DCP1A: variants seen among roughly 807,000 people sequenced by gnomAD.
The protein encoded by DCP1A is decapping mRNA 1A, also known as mRNA-decapping enzyme 1A.
DCP1A carries 20 observed loss-of-function variants against 58.0 expected under a neutral mutation model. The observed-to-expected ratio is 0.34, with a 90% CI of 0.24 to 0.50. The LOEUF (loss-of-function observed/expected upper bound fraction) is 0.50, where lower values mean the gene tolerates loss of function less well. DCP1A is among the 20% of genes least tolerant of loss of function. The pLI is 0.98. For synonymous variants in DCP1A, 285 were observed against 275.1 expected (o/e 1.04, Z -0.36); for missense variants, 613 against 712.2 (o/e 0.86, Z 1.59).
chr3:53,305,303 C>T (rs1707434921), intron 5 of DCP1A, among the ~76,000 whole-genome samples: 1 of 151,956 alleles, frequency 6.6e-6, no homozygotes, highest in Non-Finnish European at 1.5e-5. Context: ...ATTATGAATA[C>T]AACATCTATA....
At chr3:53,304,438 T>C (rs905336253) in intron 5 of DCP1A, 148 bp from the exon 6 acceptor site, 1 of 591,464 alleles carries the variant, frequency 1.7e-6, no homozygotes, top group Middle Eastern at 4.5e-4. Flanking sequence ...TGTACTCCAA[T>C]GTAAATAACA....
intron 6 of DCP1A, among the ~76,000 whole-genome samples, chr3:53,303,541 T>C (rs1208853489): frequency 5.3e-5 from 8 of 151,930 alleles, no homozygotes; most frequent in African/African-American, 1.7e-4. Flanking sequence ...GCTGGCGTTA[T>C]AGGTGTGAGC....
intron 3 of DCP1A, among the ~76,000 whole-genome samples, chr3:53,320,976 T>G (rs1237923309): frequency 6.6e-6 from 1 of 152,264 alleles, no homozygotes; most frequent in East Asian, 1.9e-4. Context: ...AGAAGTCCCC[T>G]GGCGGCCAAT....
chr3:53,331,689 T>A (rs2089007194), intron 3 of DCP1A, among the ~76,000 whole-genome samples: 1 of 152,242 alleles, frequency 6.6e-6, no homozygotes, highest in Non-Finnish European at 1.5e-5. Context: ...TTGATTCACA[T>A]GCCGGGTTTA....
chr3:53,344,891 TAA>T lies in DCP1A; in HGVS notation c.176+9_176+10del, dbSNP rs782302238. 71 of 1,579,478 alleles carry T rather than the reference TAA, an allele frequency of 4.5e-5. No homozygotes were observed. The South Asian group carries it at 7.3e-4, about 16-fold the overall frequency. On this transcript the variant is annotated intron_variant, in intron 2 of 9. Transcript: ENST00000610213. ...CTGTTAAAAACAAATATACATATTT[TAA>T]AAACTTACCTTCGATATACGAATAA...
intron 3 of DCP1A, among the ~76,000 whole-genome samples, chr3:53,331,655 G>A (rs1298653135): frequency 3.3e-5 from 5 of 151,362 alleles, no homozygotes; most frequent in African/African-American, 1.2e-4. Flanking sequence ...GTGACATTAA[G>A]TGACTCATGA....
chr3:53,346,632 C>T lies in DCP1A; in HGVS notation c.135+751G>A, dbSNP rs57320366. On this transcript the variant is annotated intron_variant, in intron 1 of 9. Coordinates refer to ENST00000610213, the MANE Select transcript of DCP1A (RefSeq NM_018403.7). ...GGGCTAACAAGAATCAGTGAACACA[C>T]TGAATGTGACTTTTCGGACCCTCCC... Among the ~76,000 whole-genome samples the T allele has an allele frequency of 3.3e-5, 5 of 152,310 alleles. No homozygotes were observed. In the South Asian group the frequency reaches 8.3e-4, roughly 25 times the overall value.
chr3:53,296,556 T>C (rs1021460545), intron 6 of DCP1A, among the ~76,000 whole-genome samples: 5 of 152,228 alleles, frequency 3.3e-5, no homozygotes, highest in African/African-American at 1.2e-4. Flanking sequence ...GACAGCACAA[T>C]AGACATTTAT....
chr3:53,319,928 A>G (rs545506568), intron 3 of DCP1A, among the ~76,000 whole-genome samples: 2 of 152,136 alleles, frequency 1.3e-5, no homozygotes, highest in South Asian at 4.1e-4. Context: ...TCAGGAGTTT[A>G]AGACCAGCCT....
At chr3:53,291,954 A>T in intron 7 of DCP1A, 115 bp downstream of exon 7, 2 of 1,170,156 alleles carry the variant, frequency 1.7e-6, no homozygotes, top group Non-Finnish European at 2.3e-6. Context: ...GACATACTTT[A>T]AAGGGACAAC....
Position 53,347,503 on chromosome 3 carries a change from A to C in DCP1A, c.15T>G (p.Ser5Arg). The stretch of plus-strand genomic sequence containing the variant: ...CTAGGCTCATCTCCTGCCCAGCTCG[A>C]CTCAGCGCCTCCATCTTGAATCCCA... MEAL[S>R]RAGQEMSLAA... Residue 5 changes from serine to arginine, a missense_variant, in exon 1 of 10, where the codon AGT (serine) becomes AGG (arginine). Around this residue, in one of 3 missense-constraint regions of DCP1A, gnomAD observed 50 missense variants for 37.0 expected, o/e 1.35. Transcript: ENST00000610213. 6.2e-7 allele frequency: 1 copy of C among 1,611,900 alleles called. No homozygotes were observed. Among genetic ancestry groups the C allele is most frequent in the Non-Finnish European group, 8.5e-7 (1 of 1,178,820 alleles).
At chr3:53,312,695 C>T (rs369124276) in intron 4 of DCP1A, among the ~76,000 whole-genome samples, 121 of 152,028 alleles carry the variant, frequency 8.0e-4, no homozygotes, top group South Asian at 5.4e-3. Flanking sequence ...GGGGTTTCAC[C>T]GTGTTAGCCA....
At chr3:53,326,634 G>A (rs1370048467) in intron 3 of DCP1A, among the ~76,000 whole-genome samples, 1 of 152,174 alleles carries the variant, frequency 6.6e-6, no homozygotes, top group South Asian at 2.1e-4. Context: ...CTGCACATAC[G>A]AGGGATCTAG....
intron 8 of DCP1A, 74 bp from the exon 9 acceptor site, chr3:53,288,357 G>C: frequency 8.4e-7 from 1 of 1,188,206 alleles, no homozygotes; most frequent in Non-Finnish European, 1.2e-6. Context: ...GGACCATGTG[G>C]AAACAGGCAT....
chr3:53,321,576 G>A (rs1223602030), intron 3 of DCP1A, among the ~76,000 whole-genome samples: 1 of 152,044 alleles, frequency 6.6e-6, no homozygotes, highest in Non-Finnish European at 1.5e-5. Context: ...AAAATTAGCC[G>A]GGCATGGTAG....
chr3:53,342,285 G>T lies in DCP1A; in HGVS notation c.177-14C>A, dbSNP rs782179041. 1.9e-6 allele frequency: 3 copies of T among 1,551,138 alleles called. No homozygotes were observed. The East Asian group carries it at 6.8e-5, about 35-fold the overall frequency. Reference sequence around the variant, plus strand: ...GGGGAAGCTGACCTTAGATTTAATAGAAGAAAAAAAAATATGTAGTTACCA... The same window carrying T: ...GGGGAAGCTGACCTTAGATTTAATATAAGAAAAAAAAATATGTAGTTACCA... On this transcript the variant is annotated splice_polypyrimidine_tract_variant and intron_variant, in intron 2 of 9. Transcript: ENST00000610213.
At chr3:53,295,297 A>G (rs1403858623) in intron 6 of DCP1A, among the ~76,000 whole-genome samples, 2 of 152,218 alleles carry the variant, frequency 1.3e-5, no homozygotes, top group Non-Finnish European at 2.9e-5. Flanking sequence ...ACAGTTGTAA[A>G]AAAGTTGTAG....
intron 6 of DCP1A, among the ~76,000 whole-genome samples, chr3:53,300,091 C>A (rs1707263314): frequency 6.6e-6 from 1 of 151,902 alleles, no homozygotes; most frequent in Non-Finnish European, 1.5e-5. Context: ...TGGTCTCAAA[C>A]TCCTGACCTC....
chr3:53,323,377 C>G (rs1708024855), intron 3 of DCP1A, among the ~76,000 whole-genome samples: 1 of 152,166 alleles, frequency 6.6e-6, no homozygotes, highest in Non-Finnish European at 1.5e-5. Context: ...CTTGCTCTAA[C>G]TACAGTAAAT....
Sources: gnomAD v4.1 joint callset for allele counts (sites outside exome capture counted in the v4.1 genomes callset) on GRCh38, gnomAD v4.1.1 for gene constraint, gnomAD v4.1.1 regional missense constraint, MANE v1.5 for transcripts, NCBI Gene and HGNC (gene_info 2026-07-23, HGNC 2026-07-21) for gene names.